The following CFI variants were observed in gnomAD, a reference collection of about 807,000 sequenced individuals.
CFI encodes C3B/C4B inactivator.
CFI carries 66 observed loss-of-function variants against 78.8 expected under a neutral mutation model. The ratio of observed to expected loss-of-function variants is 0.84; its 90% confidence interval spans 0.69 to 1.03. The LOEUF (loss-of-function observed/expected upper bound fraction) is 1.03. Among genes scored for constraint, CFI ranks in the 50% least tolerant of loss-of-function variants. The probability of loss-of-function intolerance (pLI) is 0.00; values close to 1 mark genes in which losing one functional copy is unlikely to be tolerated. For synonymous variants in CFI, 250 were observed against 232.6 expected (o/e 1.07, Z -0.68); for missense variants, 706 against 704.5 (o/e 1.00, Z -0.02).
intron 1 of CFI, among the ~76,000 whole-genome samples, chr4:109,781,153 T>A (rs1412257082): frequency 2.0e-5 from 3 of 151,824 alleles, no homozygotes; most frequent in Non-Finnish European, 2.9e-5. Flanking sequence ...TAAAAAAAAA[T>A]TTCCAACTTG....
Position 109,745,036 on chromosome 4 carries a change from T to A in CFI, c.1429+1186A>T, listed in dbSNP as rs533994119. On this transcript the variant is annotated intron_variant, in intron 11 of 12. Transcript: ENST00000394634. ...TTAATTTCTACATATATTTTACACC[T>A]TCCAATGTGGCAATTATAATGAATG... Among the ~76,000 whole-genome samples the A allele has an allele frequency of 2.0e-5, 3 of 152,328 alleles. No homozygotes were observed. In the South Asian group the frequency reaches 6.2e-4, roughly 32 times the overall value.
rs1436775364 is a variant in CFI, at chr4:109,741,065, C to A, written c.1580G>T (p.Gly527Val). The change falls in exon 13 of 13, where the codon GGC (glycine) becomes GTC (valine). Residue 527 changes from glycine to valine, a missense_variant. Coordinates refer to ENST00000394634, the MANE Select transcript of CFI (RefSeq NM_000204.5). ...GTTGGCATCCATACAGACTAAGGGG[C>A]CTCCAGAGTCCCCTTTACAGGCATC... ...SIDACKGDSG[G>V]PLVCMDANNV... 1 of 1,614,158 alleles carries A rather than the reference C, an allele frequency of 6.2e-7. No homozygotes were observed. The highest frequency in any genetic ancestry group is 1.1e-5 in the South Asian group (1 of 91,070).
At chr4:109,799,361 C>A (rs926358747) in intron 1 of CFI, among the ~76,000 whole-genome samples, 1 of 152,152 alleles carries the variant, frequency 6.6e-6, no homozygotes, top group African/African-American at 2.4e-5. Flanking sequence ...TACAGGAAGG[C>A]CTTAGGATAG....
chr4:109,747,117 T>C (rs1724569516), intron 10 of CFI, among the ~76,000 whole-genome samples: 1 of 152,214 alleles, frequency 6.6e-6, no homozygotes, highest in Admixed American at 6.5e-5. Flanking sequence ...CCTGTTGAAA[T>C]GGTGAATGAG....
Position 109,752,485 on chromosome 4 carries a change from G to C in CFI, c.923C>G (p.Thr308Ser), listed in dbSNP as rs1725261652. ...SVTQEETEILTADMDAERRRI... is the reference protein window; with the variant it reads ...SVTQEETEILSADMDAERRRI... ...TAGCTTACCTGCATCCATGTCAGCA[G>C]TCAAAATTTCTGTTTCTTCTATGAT... is the stretch of plus-strand genomic sequence containing the variant. The change falls in exon 8 of 13, where the codon ACT (threonine) becomes AGT (serine). Residue 308 changes from threonine (T) to serine (S), a missense_variant. Physicochemically the swap from Thr to Ser is moderately conservative, Grantham distance 58. Coordinates refer to ENST00000394634, the MANE Select transcript of CFI (RefSeq NM_000204.5). 6.2e-7 allele frequency: 1 copy of C among 1,613,174 alleles called. No homozygotes were observed. The highest frequency in any genetic ancestry group is 1.3e-5 in the African/African-American group (1 of 74,864).
intron 2 of CFI, 26 bp from the exon 3 acceptor site, chr4:109,764,716 G>T (rs1160740516): frequency 3.8e-6 from 6 of 1,598,420 alleles, no homozygotes; most frequent in Non-Finnish European, 5.1e-6. Context: ...AAAATAATGT[G>T]CAATATGTAG....
intron 1 of CFI, among the ~76,000 whole-genome samples, chr4:109,778,566 G>A (rs1278096156): frequency 6.6e-6 from 1 of 152,120 alleles, no homozygotes; most frequent in Non-Finnish European, 1.5e-5. Flanking sequence ...AGAAGAGCTG[G>A]TACCATTCCT....
chr4:109,756,884 GAAAGGAAAGAAAGAAAGAAAGAAAGAAA>G (rs1252934223), intron 7 of CFI, among the ~76,000 whole-genome samples: 3 of 119,962 alleles, frequency 2.5e-5, no homozygotes, highest in Non-Finnish European at 5.0e-5. Context: ...AAGAAAGAAA[GAAAGGAAAGAAAGAAAGAAAGAAAGAAA>G]GAAAGAAAGA....
At chr4:109,783,503 T>C (rs571583896) in intron 1 of CFI, among the ~76,000 whole-genome samples, 2 of 151,894 alleles carry the variant, frequency 1.3e-5, no homozygotes, top group Admixed American at 1.3e-4. Flanking sequence ...AGAATGGCCA[T>C]AATAAAAAAA....
At chr4:109,792,437 G>A (rs1731502601) in intron 1 of CFI, among the ~76,000 whole-genome samples, 1 of 152,086 alleles carries the variant, frequency 6.6e-6, no homozygotes, top group Non-Finnish European at 1.5e-5. Context: ...TTAGCCGGGC[G>A]TGGTGGTGCA....
intron 1 of CFI, among the ~76,000 whole-genome samples, chr4:109,797,720 G>A (rs1579327574): frequency 6.6e-6 from 1 of 152,192 alleles, no homozygotes; most frequent in East Asian, 1.9e-4. Flanking sequence ...CAAAAGCCAA[G>A]AACCAAATAG....
At chr4:109,777,045 T>G (rs1486575417) in intron 1 of CFI, among the ~76,000 whole-genome samples, 1 of 152,188 alleles carries the variant, frequency 6.6e-6, no homozygotes, top group Non-Finnish European at 1.5e-5. Flanking sequence ...CCATCAAGGC[T>G]AGGAAGAAAC....
intron 1 of CFI, among the ~76,000 whole-genome samples, chr4:109,777,156 G>A (rs180904211): frequency 3.9e-4 from 60 of 152,204 alleles, no homozygotes; most frequent in African/African-American, 1.3e-3. Context: ...CTAAATGCTC[G>A]AATTAAAAGA....
At chr4:109,788,727 A>G (rs897679514) in intron 1 of CFI, among the ~76,000 whole-genome samples, 7 of 152,092 alleles carry the variant, frequency 4.6e-5, no homozygotes. Context: ...TGCAAAGTGA[A>G]CATTTTTAAA....
intron 1 of CFI, among the ~76,000 whole-genome samples, chr4:109,778,625 AT>A: frequency 6.6e-6 from 1 of 152,282 alleles, no homozygotes; most frequent in South Asian, 2.1e-4. Flanking sequence ...TCCCTAATTC[AT>A]TTTATGAGGC....
At chr4:109,777,185 A>T (rs528072849) in intron 1 of CFI, among the ~76,000 whole-genome samples, 4 of 152,358 alleles carry the variant, frequency 2.6e-5, no homozygotes, top group African/African-American at 9.6e-5. Context: ...GGCAAATTGG[A>T]TAAAGAGTCA....
At chr4:109,776,001 C>T (rs969707446) in intron 1 of CFI, among the ~76,000 whole-genome samples, 4 of 152,034 alleles carry the variant, frequency 2.6e-5, no homozygotes, top group Admixed American at 1.3e-4. Context: ...TCATCAAAGA[C>T]CAAAGGCAGA....
intron 1 of CFI, among the ~76,000 whole-genome samples, chr4:109,790,747 T>C (rs184867726): frequency 1.8e-4 from 28 of 152,308 alleles, no homozygotes; most frequent in Admixed American, 3.9e-4. Context: ...GCTCCATCCA[T>C]GTTCCTGCAA....
At position 109,761,621 on chromosome 4, in the gene CFI, T is replaced by C. The variant is rs1236471313; in HGVS notation, c.554A>G (p.His185Arg). 6 of 1,613,914 alleles carry C rather than the reference T, an allele frequency of 3.7e-6. No homozygotes were observed. The highest frequency in any genetic ancestry group is 5.1e-6 in the Non-Finnish European group (6 of 1,179,808). The change falls in exon 4 of 13, where the codon CAT (histidine) becomes CGT (arginine). Residue 185 changes from histidine to arginine, a missense_variant. Transcript: ENST00000394634. ...CAAACTGGTCTCTAATCCTCGGCAATGCACATGTAGACATTCAGTGGAATT... is the reference window on the plus strand; with the variant it reads ...CAAACTGGTCTCTAATCCTCGGCAACGCACATGTAGACATTCAGTGGAATT... The part of the protein sequence containing the change: ...SINSTECLHV[H>R]CRGLETSLAE...
Sources: gnomAD v4.1 joint callset for allele counts (sites outside exome capture counted in the v4.1 genomes callset) on GRCh38, gnomAD v4.1.1 for gene constraint, MANE v1.5 for transcripts, NCBI Gene and HGNC (gene_info 2026-07-23, HGNC 2026-07-21) for gene names.